Variants in STK38L observed in about 807,000 individuals in gnomAD.
The protein encoded by STK38L is serine/threonine-protein kinase 38-like.
STK38L carries 28 observed loss-of-function variants against 59.7 expected under a neutral mutation model. The observed-to-expected ratio is 0.47, with a 90% CI of 0.35 to 0.64. The LOEUF is 0.64. Among genes scored for constraint, STK38L ranks in the 30% least tolerant of loss-of-function variants. The pLI is 0.01. For missense variants in STK38L, 314 were observed against 555.8 expected (o/e 0.56, Z 4.37); for synonymous variants, 162 against 176.8 (o/e 0.92, Z 0.66).
At position 27,308,519 on chromosome 12, in the gene STK38L, A is replaced by G; in HGVS notation, c.309+58A>G. 1.4e-6 allele frequency: 2 copies of G among 1,417,374 alleles called. No individual in the cohort carries two copies. Among genetic ancestry groups the G allele is most frequent in the Non-Finnish European group, 1.9e-6 (2 of 1,073,356 alleles). The allele number at this position is 1,417,374 out of a possible 1,614,324, so 87.8% of individuals were successfully genotyped here. Reference sequence around the variant, plus strand: ...AAATATATATCTTAAGATAATTTAAAATATGTGTTAAAATATAATTCCTGG... The same window carrying G: ...AAATATATATCTTAAGATAATTTAAGATATGTGTTAAAATATAATTCCTGG... On this transcript the variant is annotated intron_variant, in intron 4 of 13. Coordinates refer to ENST00000389032, the MANE Select transcript of STK38L (RefSeq NM_015000.4). The surrounding 1 kb of genome is among the most constrained non-coding windows in gnomAD (Gnocchi z 4.5).
chr12:27,244,951 G>C (rs1942818143), intron 1 of STK38L, among the ~76,000 whole-genome samples: 1 of 152,094 alleles, frequency 6.6e-6, no homozygotes. Flanking sequence ...TTCACCTTTA[G>C]TATCGAGGTC....
intron 1 of STK38L, among the ~76,000 whole-genome samples, chr12:27,272,782 T>C (rs1943452212): frequency 6.6e-6 from 1 of 152,250 alleles, no homozygotes. Flanking sequence ...CAGAGAAAAG[T>C]TGCACCTGCC....
rs1419024777 is a variant in STK38L at position 27,314,674 on chromosome 12, G to C, written c.672+16G>C. On this transcript the variant is annotated intron_variant, in intron 7 of 13. Coordinates refer to ENST00000389032, the MANE Select transcript of STK38L (RefSeq NM_015000.4). The stretch of plus-strand genomic sequence containing the variant: ...GGATGCCAAGGCATGTGAATAAACT[G>C]GTGAATTACTAGGCTGTTGATTATT... 9.5e-6 allele frequency: 15 copies of C among 1,575,338 alleles called. No homozygotes were observed. In the African/African-American group the frequency reaches 2.1e-4, roughly 22 times the overall value.
intron 10 of STK38L, 95 bp from the exon 11 acceptor site, chr12:27,317,801 C>T: frequency 1.3e-6 from 2 of 1,486,442 alleles, no homozygotes; most frequent in Non-Finnish European, 1.8e-6. Flanking sequence ...ATAGAGCACT[C>T]AGGGTTGTTT....
chr12:27,323,242 CAA>C lies in STK38L; in HGVS notation c.*788_*789del, dbSNP rs763820820. 1.3e-5 allele frequency: 2 copies of C among 152,140 alleles called. No homozygotes were observed. The highest frequency in any genetic ancestry group is 2.9e-5 in the Non-Finnish European group (2 of 68,002). 9.4% of individuals were successfully genotyped at this position (152,140 alleles called of 1,614,324 possible). ...ACATGTAAAGTTGATTTTCTTGTGA[CAA>C]GAGAACTTCTTTTTTTAACAAGAGG... On this transcript the variant is annotated 3_prime_UTR_variant, in exon 14 of 14. Transcript: ENST00000389032.
Position 27,262,673 on chromosome 12 carries a change from C to G in STK38L, c.-12+18341C>G, listed in dbSNP as rs150266530. Among the ~76,000 whole-genome samples, 371 of 146,026 alleles carry G rather than the reference C, an allele frequency of 2.5e-3. 3 individuals are homozygous for G. The highest frequency in any genetic ancestry group is 8.9e-3 in the African/African-American group (349 of 39,280). ...TGAGCTATGATGGCACCACTGCACT[C>G]CAGCCTGGGTGATGGAGTGGGACTC... On this transcript the variant is annotated intron_variant, in intron 1 of 13. Transcript: ENST00000389032.
At chr12:27,291,297 G>A (rs1462584353) in intron 1 of STK38L, among the ~76,000 whole-genome samples, 1 of 152,224 alleles carries the variant, frequency 6.6e-6, no homozygotes, top group South Asian at 2.1e-4. Flanking sequence ...GTATGCTTAA[G>A]TGTGTCAGTG....
In STK38L at chr12:27,322,468, T is replaced by C. The variant is rs776652979; in HGVS notation, c.*13T>C. 6.2e-7 allele frequency: 1 copy of C among 1,610,592 alleles called. No homozygotes were observed. The highest frequency in any genetic ancestry group is 1.3e-5 in the African/African-American group (1 of 74,706). On this transcript the variant is annotated 3_prime_UTR_variant, in exon 14 of 14. Transcript: ENST00000389032. Reference sequence around the variant, plus strand: ...TGGGAAGTTATGAATGAAGATAACATTCACCCATAACCAAGAGAACTCAGG... The same window carrying C: ...TGGGAAGTTATGAATGAAGATAACACTCACCCATAACCAAGAGAACTCAGG...
At chr12:27,296,168 C>A (rs1944016015) in intron 1 of STK38L, among the ~76,000 whole-genome samples, 1 of 152,110 alleles carries the variant, frequency 6.6e-6, no homozygotes, top group Admixed American at 6.5e-5. Flanking sequence ...AGGGGGAAAT[C>A]AGTGAATAAA....
intron 3 of STK38L, 151 bp downstream of exon 3, chr12:27,302,339 CT>C: frequency 1.8e-6 from 1 of 551,488 alleles, no homozygotes; most frequent in Non-Finnish European, 3.1e-6. Context: ...TTATTGATAT[CT>C]TTAGAAGGAG....
chr12:27,312,650 A>G lies in STK38L; in HGVS notation c.495A>G (p.Leu165=). The G allele has an allele frequency of 6.2e-7, 1 of 1,614,106 alleles. No individual in the cohort carries two copies. The highest frequency in any genetic ancestry group is 8.5e-7 in the Non-Finnish European group (1 of 1,179,998). ...YSFQDKRNLY[L]IMEFLPGGDM... Reference sequence around the variant, plus strand: ...TTCAGGATAAGAGGAATCTTTATCTAATCATGGAATTTCTCCCTGGAGGTA... The same window carrying G: ...TTCAGGATAAGAGGAATCTTTATCTGATCATGGAATTTCTCCCTGGAGGTA... The change falls in exon 6 of 14, where the codon CTA becomes CTG. Residue 165 remains leucine (L), a synonymous_variant. Transcript: ENST00000389032.
At chr12:27,281,435 A>T (rs927715996) in intron 1 of STK38L, among the ~76,000 whole-genome samples, 5 of 152,210 alleles carry the variant, frequency 3.3e-5, no homozygotes, top group African/African-American at 1.2e-4. Context: ...AGGCATGGTC[A>T]TTAGAACAAC....
At chr12:27,263,294 A>G (rs997553711) in intron 1 of STK38L, among the ~76,000 whole-genome samples, 1 of 152,192 alleles carries the variant, frequency 6.6e-6, no homozygotes, top group African/African-American at 2.4e-5. Context: ...CTTGAGTTAA[A>G]CCAAGGCTCA....
intron 1 of STK38L, among the ~76,000 whole-genome samples, chr12:27,250,732 G>A (rs1942953913): frequency 6.6e-6 from 1 of 152,118 alleles, no homozygotes; most frequent in Admixed American, 6.5e-5. Context: ...CGGGCGCGGT[G>A]ACTCACGCCT....
chr12:27,245,364 T>G (rs1942827267), intron 1 of STK38L, among the ~76,000 whole-genome samples: 1 of 152,238 alleles, frequency 6.6e-6, no homozygotes, highest in Non-Finnish European at 1.5e-5. Context: ...AAAACAGCTT[T>G]AAGTGATTTA....
intron 1 of STK38L, among the ~76,000 whole-genome samples, chr12:27,284,965 T>G (rs961715161): frequency 6.6e-6 from 1 of 152,344 alleles, no homozygotes; most frequent in African/African-American, 2.4e-5. Flanking sequence ...ATGGTATGTC[T>G]GCTTTTAGTT....
At chr12:27,284,464 G>C (rs1943727025) in intron 1 of STK38L, among the ~76,000 whole-genome samples, 1 of 152,230 alleles carries the variant, frequency 6.6e-6, no homozygotes. Flanking sequence ...ACCACCTTCT[G>C]TAATTGAAAT....
intron 1 of STK38L, among the ~76,000 whole-genome samples, chr12:27,286,188 G>T (rs543368820): frequency 1.3e-5 from 2 of 152,028 alleles, no homozygotes; most frequent in East Asian, 1.9e-4. Flanking sequence ...AAAAAAATTC[G>T]AGTACTGTGG....
chr12:27,246,191 A>G (rs568248037), intron 1 of STK38L, among the ~76,000 whole-genome samples: 11 of 152,350 alleles, frequency 7.2e-5, no homozygotes, highest in South Asian at 4.1e-4. Flanking sequence ...TAACAAAGCA[A>G]TGGACTCAGT....
Sources: allele counts gnomAD v4.1 joint callset (sites outside exome capture counted in the v4.1 genomes callset), GRCh38; gene constraint gnomAD v4.1.1; non-coding constraint Gnocchi (gnomAD v3.1); transcripts MANE v1.5; gene names NCBI Gene and HGNC (gene_info 2026-07-23, HGNC 2026-07-21).